Variants in TSPAN9 observed in about 807,000 individuals in gnomAD.
The protein encoded by TSPAN9 is tetraspanin 9.
A neutral mutation model predicts 31.0 loss-of-function variants in TSPAN9; 16 were observed. The ratio of observed to expected loss-of-function variants is 0.52; its 90% confidence interval spans 0.35 to 0.78. The LOEUF (loss-of-function observed/expected upper bound fraction) is 0.78. TSPAN9 is among the 30% of genes least tolerant of loss of function. The probability of loss-of-function intolerance (pLI) is 0.01; values close to 1 mark genes in which losing one functional copy is unlikely to be tolerated. For missense variants in TSPAN9, 272 were observed against 312.5 expected (o/e 0.87, Z 0.98); for synonymous variants, 145 against 121.6 (o/e 1.19, Z -1.27).
intron 3 of TSPAN9, among the ~76,000 whole-genome samples, chr12:3,202,791 C>G (rs1341394120): frequency 6.6e-6 from 1 of 152,120 alleles, no homozygotes; most frequent in East Asian, 1.9e-4. Context: ...CTCCAGCCAC[C>G]CTAGTAGGAA....
rs145269526 is a variant in TSPAN9, at chr12:3,192,171, C to G, written c.-17-9006C>G. ...GTCATGCCGGCCGTTTAGGGTTGCT[C>G]TAAGGATTTGGACTGTACTAGAAAA... On this transcript the variant is annotated intron_variant, in intron 2 of 8. Transcript: ENST00000011898. The surrounding 1 kb of genome is among the most constrained non-coding windows in gnomAD (Gnocchi z 4.6). 0.012 allele frequency among the ~76,000 whole-genome samples: 1,810 copies of G among 152,192 alleles called. 27 individuals carry two copies. Among genetic ancestry groups the G allele is most frequent in the African/African-American group, 0.041 (1,699 of 41,492 alleles).
chr12:3,134,319 A>C (rs2098331116), intron 2 of TSPAN9, among the ~76,000 whole-genome samples: 1 of 152,210 alleles, frequency 6.6e-6, no homozygotes, highest in Non-Finnish European at 1.5e-5. Flanking sequence ...TTACACAATT[A>C]AAGGTCACTG....
At chr12:3,178,720 G>A (rs2098357247) in intron 2 of TSPAN9, among the ~76,000 whole-genome samples, 1 of 152,224 alleles carries the variant, frequency 6.6e-6, no homozygotes, top group African/African-American at 2.4e-5. Flanking sequence ...GAGACGGGTG[G>A]TGTAGAACAT....
intron 2 of TSPAN9, among the ~76,000 whole-genome samples, chr12:3,171,064 C>T (rs1001789026): frequency 6.6e-6 from 1 of 152,152 alleles, no homozygotes; most frequent in Admixed American, 6.5e-5. Context: ...TTCGTCACCT[C>T]GTGCTTGGAT....
At chr12:3,081,614 A>G (rs2098297848) in intron 1 of TSPAN9, among the ~76,000 whole-genome samples, 1 of 151,558 alleles carries the variant, frequency 6.6e-6, no homozygotes, top group African/African-American at 2.4e-5. Flanking sequence ...GCCTTTATAT[A>G]CTTCCTTGGG....
intron 2 of TSPAN9, among the ~76,000 whole-genome samples, chr12:3,144,025 C>A (rs1229623391): frequency 6.6e-6 from 1 of 152,112 alleles, no homozygotes; most frequent in African/African-American, 2.4e-5. Context: ...ATATCTGTAT[C>A]TCTGTTGTTC....
At chr12:3,200,007 C>G (rs2098370387) in intron 2 of TSPAN9, 3 of 152,490 alleles carry the variant, frequency 2.0e-5, no homozygotes, top group Non-Finnish European at 2.9e-5. Flanking sequence ...CTCCCCAGAC[C>G]TTTCCTCTGG....
chr12:3,252,441 G>C (rs531515272), intron 3 of TSPAN9, among the ~76,000 whole-genome samples: 2 of 152,320 alleles, frequency 1.3e-5, no homozygotes, highest in African/African-American at 4.8e-5. Flanking sequence ...TGCTCTCTCC[G>C]GGGCCAGGGA....
At chr12:3,125,910 T>C (rs896371661) in intron 2 of TSPAN9, among the ~76,000 whole-genome samples, 6 of 152,198 alleles carry the variant, frequency 3.9e-5, no homozygotes, top group Non-Finnish European at 8.8e-5. Context: ...GCACATCGCC[T>C]GGCATTTGAG....
chr12:3,268,248 C>T (rs1181643962), intron 3 of TSPAN9, among the ~76,000 whole-genome samples: 1 of 131,332 alleles, frequency 7.6e-6, no homozygotes, highest in Non-Finnish European at 1.6e-5. Flanking sequence ...GCAGCCTGCC[C>T]TCTGTGCATT....
chr12:3,139,378 C>T (rs987217258), intron 2 of TSPAN9, among the ~76,000 whole-genome samples: 7 of 152,158 alleles, frequency 4.6e-5, no homozygotes, highest in African/African-American at 1.4e-4. Context: ...CTCCTCCCCT[C>T]ACCCTGCCAG....
At chr12:3,254,155 G>A (rs1862304124) in intron 3 of TSPAN9, among the ~76,000 whole-genome samples, 1 of 152,228 alleles carries the variant, frequency 6.6e-6, no homozygotes, top group Non-Finnish European at 1.5e-5. Flanking sequence ...TTCTGTAAAT[G>A]GTGCTGACAG....
At chr12:3,253,523 C>T (rs1862291852) in intron 3 of TSPAN9, among the ~76,000 whole-genome samples, 1 of 152,206 alleles carries the variant, frequency 6.6e-6, no homozygotes, top group South Asian at 2.1e-4. Flanking sequence ...AGGGTGTCTG[C>T]CGCAGGAAGT....
intron 2 of TSPAN9, among the ~76,000 whole-genome samples, chr12:3,179,668 T>C (rs531105849): frequency 3.3e-5 from 5 of 152,316 alleles, no homozygotes; most frequent in African/African-American, 7.2e-5. Flanking sequence ...CATGCATTTT[T>C]TTAAACCAAC....
chr12:3,283,371 A>G lies in TSPAN9; in HGVS notation c.*255A>G. 2.2e-6 allele frequency: 1 copy of G among 452,528 alleles called. No individual in the cohort carries two copies. Among genetic ancestry groups the G allele is most frequent in the Non-Finnish European group, 3.9e-6 (1 of 255,458 alleles). The allele number at this position is 452,528 out of a possible 1,614,324, so 28.0% of individuals were successfully genotyped here. A position where few individuals can be genotyped will look rare whatever the true frequency, so the allele number is the denominator to read the frequency against. On this transcript the variant is annotated 3_prime_UTR_variant, in exon 9 of 9. Coordinates refer to ENST00000011898, the MANE Select transcript of TSPAN9 (RefSeq NM_006675.5). ...CATATGCGTATTTGCCAAAGACGAC[A>G]GGGTGGGCTGGGGTGCGCTCCGGAG... is the stretch of plus-strand genomic sequence containing the variant.
intron 3 of TSPAN9, among the ~76,000 whole-genome samples, chr12:3,223,485 A>G (rs574969204): frequency 5.2e-4 from 79 of 152,300 alleles, no homozygotes; most frequent in Non-Finnish European, 7.1e-4. Flanking sequence ...CATGTTTTCT[A>G]TGCCGTTTGC....
At chr12:3,165,450 G>A (rs1005711316) in intron 2 of TSPAN9, among the ~76,000 whole-genome samples, 2 of 152,174 alleles carry the variant, frequency 1.3e-5, no homozygotes, top group Non-Finnish European at 2.9e-5. Flanking sequence ...GGAGATGACC[G>A]CCAGGAAATC....
intron 3 of TSPAN9, among the ~76,000 whole-genome samples, chr12:3,237,606 C>T (rs956585349): frequency 6.6e-6 from 1 of 151,318 alleles, no homozygotes; most frequent in Non-Finnish European, 1.5e-5. Flanking sequence ...GCCCACTCTT[C>T]TTTCTCTGAG....
At chr12:3,244,569 C>T (rs959920891) in intron 3 of TSPAN9, among the ~76,000 whole-genome samples, 54 of 152,326 alleles carry the variant, frequency 3.5e-4, no homozygotes, top group African/African-American at 1.2e-3. Context: ...TTTAGGAGAA[C>T]GCACTCTCGA....
Sources: allele counts gnomAD v4.1 joint callset (sites outside exome capture counted in the v4.1 genomes callset), GRCh38; gene constraint gnomAD v4.1.1; non-coding constraint Gnocchi (gnomAD v3.1); transcripts MANE v1.5; gene names NCBI Gene and HGNC (gene_info 2026-07-23, HGNC 2026-07-21).